The following LSM6 variants were observed in gnomAD, a reference collection of about 807,000 sequenced individuals.
LSM6 encodes the protein U6 snRNA-associated Sm-like protein LSm6.
Under a neutral mutation model 13.5 loss-of-function variants are expected in LSM6, and 2 were observed. That is an observed-to-expected ratio of 0.15 (90% CI 0.06 to 0.47). The LOEUF (loss-of-function observed/expected upper bound fraction) is 0.47. Ranked by LOEUF, LSM6 falls within the 20% of genes least tolerant of loss-of-function variation. The pLI, the probability that LSM6 is intolerant of heterozygous loss-of-function variation, is 0.97. For synonymous variants in LSM6, 43 were observed against 34.9 expected, an observed-to-expected ratio of 1.23 and a Z score of -0.82; for missense variants, 58 against 96.4, an observed-to-expected ratio of 0.60 and a Z score of 1.67.
intron 2 of LSM6, among the ~76,000 whole-genome samples, chr4:146,183,875 T>C (rs533983280): frequency 1.2e-3 from 175 of 148,338 alleles, no homozygotes; most frequent in Middle Eastern, 7.0e-3. Flanking sequence ...ATTTTCTTTT[T>C]TTTTTTTTTT....
At chr4:146,177,064 C>G (rs965523353) in intron 1 of LSM6, among the ~76,000 whole-genome samples, 14 of 151,882 alleles carry the variant, frequency 9.2e-5, no homozygotes, top group African/African-American at 3.4e-4. Flanking sequence ...GGCGTTAATG[C>G]GTTAGACTAC....
chr4:146,185,013 C>T (rs1730314782), intron 2 of LSM6, among the ~76,000 whole-genome samples: 1 of 152,008 alleles, frequency 6.6e-6, no homozygotes, highest in African/African-American at 2.4e-5. Flanking sequence ...ATAGGAATCT[C>T]TTGTGTGGCT....
chr4:146,178,839 T>G (rs1328876280), intron 1 of LSM6, among the ~76,000 whole-genome samples: 3 of 152,230 alleles, frequency 2.0e-5, no homozygotes, highest in Non-Finnish European at 2.9e-5. Flanking sequence ...CCCCAAGATT[T>G]AACCAGAGAA....
intron 1 of LSM6, among the ~76,000 whole-genome samples, chr4:146,177,817 GT>G (rs1730144012): frequency 6.6e-6 from 1 of 152,148 alleles, no homozygotes; most frequent in African/African-American, 2.4e-5. Context: ...AGTCATGACA[GT>G]TCAGTGTCCC....
chr4:146,186,449 C>T (rs1730350913), intron 2 of LSM6, among the ~76,000 whole-genome samples: 1 of 151,934 alleles, frequency 6.6e-6, no homozygotes, highest in South Asian at 2.1e-4. Context: ...GGAAATACCA[C>T]TTTAAATTAG....
chr4:146,182,914 T>C lies in LSM6; in HGVS notation c.-8T>C, dbSNP rs138638090. On this transcript the variant is annotated splice_region_variant and 5_prime_UTR_variant, in exon 2 of 4. Coordinates refer to ENST00000296581, the MANE Select transcript of LSM6 (RefSeq NM_007080.3). ...TTCCTTTTCATATTTTGATTTAGGA[T>C]TGTTAAAATGAGTCTTCGGAAGCAA... 9.0e-4 allele frequency: 1,411 copies of C among 1,569,364 alleles called. 14 individuals carry two copies. In the Middle Eastern group the frequency reaches 0.015, roughly 17 times the overall value.
At chr4:146,184,175 A>T (rs1281092115) in intron 2 of LSM6, among the ~76,000 whole-genome samples, 1 of 152,012 alleles carries the variant, frequency 6.6e-6, no homozygotes, top group East Asian at 1.9e-4. Context: ...CATCCCATTA[A>T]TGGGCAAGTC....
chr4:146,179,531 A>G (rs80271397), intron 1 of LSM6, among the ~76,000 whole-genome samples: 1 of 152,220 alleles, frequency 6.6e-6, no homozygotes, highest in Non-Finnish European at 1.5e-5. Flanking sequence ...CAACCCATAT[A>G]CTCTTTTCCA....
chr4:146,179,169 A>G (rs1730177444), intron 1 of LSM6, among the ~76,000 whole-genome samples: 1 of 152,162 alleles, frequency 6.6e-6, no homozygotes, highest in Admixed American at 6.5e-5. Flanking sequence ...GAGTCAGGGG[A>G]GGGAGAGGAG....
At position 146,182,968 on chromosome 4, in the gene LSM6, T is replaced by C. The variant is rs1307766584; in HGVS notation, c.47T>C (p.Ile16Thr). The change falls in exon 2 of 4, where the codon ATC becomes ACC. Residue 16 changes from isoleucine (I) to threonine (T), a missense_variant. Around this residue, in one of 3 missense-constraint regions of LSM6, gnomAD observed 28 missense variants for 32.6 expected, o/e 0.86. Coordinates refer to ENST00000296581, the MANE Select transcript of LSM6 (RefSeq NM_007080.3). ...CCTAGTGACTTCTTAAAGCAAATCA[T>C]CGGACGACCAGTTGTGGTAAAATTA... The part of the protein sequence containing the change: ...QTPSDFLKQI[I>T]GRPVVVKLNS... 1 of 1,613,658 alleles carries C rather than the reference T, an allele frequency of 6.2e-7. No homozygotes were observed. Among genetic ancestry groups the C allele is most frequent in the Admixed American group, 1.7e-5 (1 of 60,018 alleles).
intron 2 of LSM6, 33 bp from the exon 3 acceptor site, chr4:146,187,241 G>A: frequency 8.0e-7 from 1 of 1,249,782 alleles, no homozygotes; most frequent in Non-Finnish European, 1.2e-6. Flanking sequence ...TATTTGCCTT[G>A]TGTATCTTCT....
At chr4:146,183,897 G>T (rs573506590) in intron 2 of LSM6, among the ~76,000 whole-genome samples, 156 of 147,090 alleles carry the variant, frequency 1.1e-3, no homozygotes, top group African/African-American at 3.8e-3. Flanking sequence ...TTTTGAGACG[G>T]AGTCTCGCTC....
intron 2 of LSM6, 178 bp downstream of exon 2, chr4:146,183,193 C>T: frequency 2.0e-6 from 1 of 500,872 alleles, no homozygotes; most frequent in Non-Finnish European, 3.7e-6. Context: ...ACAACTCTGA[C>T]AGTATAGCAT....
chr4:146,185,671 TTGTTTG>T (rs1436060172), intron 2 of LSM6, among the ~76,000 whole-genome samples: 2 of 132,564 alleles, frequency 1.5e-5, no homozygotes, highest in Admixed American at 7.1e-5. Context: ...GCTTGTTTGT[TTGTTTG>T]TTTGTTTTTG....
chr4:146,187,760 G>GGTAATTT (rs1049960275), intron 3 of LSM6, among the ~76,000 whole-genome samples: 3 of 152,126 alleles, frequency 2.0e-5, no homozygotes, highest in African/African-American at 4.8e-5. Flanking sequence ...TGCATAATTT[G>GGTAATTT]GCAGTTCGTC....
rs1187102248 is a variant in LSM6 at position 146,190,835 on chromosome 4, A to G, written c.*1179A>G. On this transcript the variant is annotated 3_prime_UTR_variant, in exon 4 of 4. Coordinates refer to ENST00000296581, the MANE Select transcript of LSM6 (RefSeq NM_007080.3). The stretch of plus-strand genomic sequence containing the variant: ...CCTCTTCCCTCCCTTCCCAATCTAA[A>G]TAGCATTCCTATTTCAGGAGCCGAT... The G allele has an allele frequency of 2.6e-5, 4 of 152,202 alleles. No individual in the cohort carries two copies. In the East Asian group the frequency reaches 7.7e-4, roughly 29 times the overall value. 9.4% of individuals were successfully genotyped at this position (152,202 alleles called of 1,614,324 possible).
chr4:146,183,311 C>A (rs1240368296), intron 2 of LSM6: 3 of 294,386 alleles, frequency 1.0e-5, no homozygotes, highest in Non-Finnish European at 2.0e-5. Flanking sequence ...CTAGTGAACT[C>A]AGGTATGAAC....
intron 1 of LSM6, among the ~76,000 whole-genome samples, chr4:146,178,160 C>T (rs1730151255): frequency 6.6e-6 from 1 of 152,200 alleles, no homozygotes; most frequent in Non-Finnish European, 1.5e-5. Flanking sequence ...AGGGATTTTG[C>T]TTGGCACTGG....
intron 1 of LSM6, among the ~76,000 whole-genome samples, chr4:146,179,149 G>T (rs1453864752): frequency 2.6e-5 from 4 of 152,180 alleles, no homozygotes; most frequent in African/African-American, 9.7e-5. Flanking sequence ...TTTAAAACAA[G>T]CCTGAGTAGG....
Sources: gnomAD v4.1 joint callset for allele counts (sites outside exome capture counted in the v4.1 genomes callset) on GRCh38, gnomAD v4.1.1 for gene constraint, gnomAD v4.1.1 regional missense constraint, MANE v1.5 for transcripts, NCBI Gene and HGNC (gene_info 2026-07-23, HGNC 2026-07-21) for gene names.